The following TIAM2 variants were observed in gnomAD, a reference collection of about 807,000 sequenced individuals.
The protein encoded by TIAM2 is rho guanine nucleotide exchange factor TIAM2.
In TIAM2, 80 loss-of-function variants were observed where a neutral mutation model predicts 152.9. The observed-to-expected ratio is 0.52, with a 90% confidence interval of 0.44 to 0.63. TIAM2 has a LOEUF of 0.63. Among genes scored for constraint, TIAM2 ranks in the 30% least tolerant of loss-of-function variants. The pLI is 0.00. For missense variants in TIAM2, 1,965 were observed against 2,120.1 expected (o/e 0.93, Z 1.44); for synonymous variants, 804 against 838.0 (o/e 0.96, Z 0.70).
intron 2 of TIAM2, among the ~76,000 whole-genome samples, chr6:155,109,313 C>G (rs1164036722): frequency 6.6e-6 from 1 of 151,946 alleles, no homozygotes; most frequent in Non-Finnish European, 1.5e-5. Flanking sequence ...AAAATACAGG[C>G]CGTGAAGAAC....
intron 9 of TIAM2, among the ~76,000 whole-genome samples, chr6:155,171,952 G>A (rs1780595511): frequency 6.6e-6 from 1 of 152,070 alleles, no homozygotes; most frequent in Non-Finnish European, 1.5e-5. Context: ...CAGCCAGATT[G>A]TGATTTTGCT....
intron 21 of TIAM2, chr6:155,250,433 C>T (rs1783583004): frequency 3.6e-6 from 3 of 837,764 alleles, no homozygotes; most frequent in Admixed American, 6.1e-5. Context: ...CTCAAGCCAG[C>T]ATGCAGGAAG....
chr6:155,165,892 C>T (rs1301376446), intron 9 of TIAM2, among the ~76,000 whole-genome samples: 2 of 152,076 alleles, frequency 1.3e-5, no homozygotes, highest in African/African-American at 4.8e-5. Flanking sequence ...TCTATCCCGG[C>T]ACCCCTGAAG....
At chr6:155,090,553 G>A (rs1393723678) in intron 2 of TIAM2, among the ~76,000 whole-genome samples, 174 bp downstream of exon 2, 1 of 152,210 alleles carries the variant, frequency 6.6e-6, no homozygotes, top group Non-Finnish European at 1.5e-5. Context: ...GTTCCTGCAA[G>A]CAACAGGGCT....
intron 1 of TIAM2, among the ~76,000 whole-genome samples, chr6:155,086,004 C>T (rs1325353110): frequency 6.6e-6 from 1 of 152,202 alleles, no homozygotes; most frequent in East Asian, 1.9e-4. Context: ...ATTGCAGTCC[C>T]GGCCCACTGC....
At chr6:155,076,910 G>T (rs1258753751) in intron 1 of TIAM2, among the ~76,000 whole-genome samples, 1 of 152,154 alleles carries the variant, frequency 6.6e-6, no homozygotes, top group Non-Finnish European at 1.5e-5. Flanking sequence ...TGTCCAGGCT[G>T]GTCTCGAACT....
At chr6:155,231,845 C>A (rs1782490065) in intron 15 of TIAM2, among the ~76,000 whole-genome samples, 1 of 152,206 alleles carries the variant, frequency 6.6e-6, no homozygotes, top group Non-Finnish European at 1.5e-5. Context: ...GAGGACGTGG[C>A]AGGTGGATCA....
chr6:155,036,405 A>G (rs1449665717), intron 1 of TIAM2, among the ~76,000 whole-genome samples: 1 of 151,246 alleles, frequency 6.6e-6, no homozygotes. Flanking sequence ...GTAGAGGCAC[A>G]CGCCTGTAGT....
intron 4 of TIAM2, among the ~76,000 whole-genome samples, chr6:155,131,107 C>A (rs1395149239): frequency 6.6e-6 from 1 of 152,328 alleles, no homozygotes; most frequent in South Asian, 2.1e-4. Context: ...TGCCTGTCAT[C>A]CCAGCACTTG....
intron 7 of TIAM2, among the ~76,000 whole-genome samples, chr6:155,161,409 TTA>T (rs1484932901): frequency 2.6e-5 from 4 of 151,990 alleles, no homozygotes. Flanking sequence ...CAAACTGTCT[TTA>T]CCTCTCAGTA....
In TIAM2 at chr6:155,252,979, C is replaced by G. The variant is rs150406978; in HGVS notation, c.4151C>G (p.Thr1384Ser). The G allele has an allele frequency of 1.2e-6, 2 of 1,614,242 alleles. No homozygotes were observed. Among genetic ancestry groups the G allele is most frequent in the Admixed American group, 1.7e-5 (1 of 60,032 alleles). ...AATTCCCGGCCTGCACACAACTCTA[C>G]TGACTTGGACCCATTTAAATTCCGC... ...PSNSRPAHNS[T>S]DLDPFKFRWL... The change falls in exon 24 of 27, where the codon ACT becomes AGT. Residue 1384 changes from threonine to serine, a missense_variant. Thr to Ser is a moderately conservative substitution (Grantham distance 58). Around this residue, in one of 3 missense-constraint regions of TIAM2, gnomAD observed 935 missense variants for 980.0 expected, o/e 0.95. Coordinates refer to ENST00000682666, the MANE Select transcript of TIAM2 (RefSeq NM_012454.4).
chr6:155,013,827 A>G (rs1410895922), intron 1 of TIAM2: 2 of 152,030 alleles, frequency 1.3e-5, no homozygotes, highest in Non-Finnish European at 2.9e-5. Context: ...GTGCTGAGTA[A>G]GTATAATTGA....
At chr6:155,207,931 G>A (rs1473644852) in intron 14 of TIAM2, among the ~76,000 whole-genome samples, 1 of 152,102 alleles carries the variant, frequency 6.6e-6, no homozygotes, top group Non-Finnish European at 1.5e-5. Context: ...AGATGACTCA[G>A]GATTCACTTG....
At chr6:155,175,983 C>G (rs540946914) in intron 9 of TIAM2, among the ~76,000 whole-genome samples, 4 of 152,080 alleles carry the variant, frequency 2.6e-5, no homozygotes, top group Non-Finnish European at 4.4e-5. Flanking sequence ...ATGAGTCAGG[C>G]TAAAATTAAA....
intron 14 of TIAM2, among the ~76,000 whole-genome samples, chr6:155,209,069 G>A (rs1451086186): frequency 6.6e-6 from 1 of 151,944 alleles, no homozygotes; most frequent in African/African-American, 2.4e-5. Flanking sequence ...CTCCTTTGAA[G>A]TGTTTTAAGG....
At chr6:155,175,006 A>G (rs565438492) in intron 9 of TIAM2, among the ~76,000 whole-genome samples, 1 of 152,356 alleles carries the variant, frequency 6.6e-6, no homozygotes, top group African/African-American at 2.4e-5. Flanking sequence ...ATCACTGCCC[A>G]GATGAAAAGT....
At chr6:155,112,744 T>A (rs912073246) in intron 2 of TIAM2, among the ~76,000 whole-genome samples, 3 of 152,146 alleles carry the variant, frequency 2.0e-5, no homozygotes, top group Admixed American at 6.5e-5. Flanking sequence ...GCCGTCTGCA[T>A]TCTCCCATGG....
In TIAM2 at chr6:155,221,869, G is replaced by A. The variant is rs117002078; in HGVS notation, c.3168+10562G>A. Reference sequence around the variant, plus strand: ...ATTTTGCTTTCTGTGGGAGAAGAAAGCAGGAAGTTTGATTTCTCAGGCCAA... The same window carrying A: ...ATTTTGCTTTCTGTGGGAGAAGAAAACAGGAAGTTTGATTTCTCAGGCCAA... On this transcript the variant is annotated intron_variant, in intron 15 of 26. Coordinates refer to ENST00000682666, the MANE Select transcript of TIAM2 (RefSeq NM_012454.4). 1.4e-3 allele frequency among the ~76,000 whole-genome samples: 217 copies of A among 152,298 alleles called. 2 individuals carry two copies. The East Asian group carries it at 0.023, about 16-fold the overall frequency.
At position 155,214,616 on chromosome 6, in the gene TIAM2, C is replaced by T. The variant is rs1334501758; in HGVS notation, c.3168+3309C>T. 6.6e-6 allele frequency among the ~76,000 whole-genome samples: 1 copy of T among 152,198 alleles called. No homozygotes were observed. Among genetic ancestry groups the T allele is most frequent in the Non-Finnish European group, 1.5e-5 (1 of 68,030 alleles). ...GCTGGCCTGGTTATGTCCCAGGATGCAAGTTATTTTACAAAACTGAAATTC... is the reference window on the plus strand; with the variant it reads ...GCTGGCCTGGTTATGTCCCAGGATGTAAGTTATTTTACAAAACTGAAATTC... On this transcript the variant is annotated intron_variant, in intron 15 of 26. Transcript: ENST00000682666. This position sits in a 1 kb window ranked among gnomAD's most constrained non-coding sequence, Gnocchi z 5.4.
Sources: allele counts gnomAD v4.1 joint callset (sites outside exome capture counted in the v4.1 genomes callset), GRCh38; gene constraint gnomAD v4.1.1; regional missense constraint gnomAD v4.1.1; non-coding constraint Gnocchi (gnomAD v3.1); transcripts MANE v1.5; gene names NCBI Gene and HGNC (gene_info 2026-07-23, HGNC 2026-07-21).